The following UMAD1 variants were observed in gnomAD, a reference collection of about 807,000 sequenced individuals.
UMAD1 encodes the protein UBAP1-MVB12-associated (UMA)-domain containing protein 1.
In UMAD1, 8 loss-of-function variants were observed where a neutral mutation model predicts 6.1. The ratio of observed to expected loss-of-function variants is 1.30; its 90% confidence interval spans 0.76 to 2.35. The LOEUF is 2.35. Ranked by LOEUF, UMAD1 falls within the 30% of genes most tolerant of loss-of-function variation. The pLI is 0.00. For missense variants in UMAD1, 130 were observed against 78.4 expected (o/e 1.66, Z -2.49); for synonymous variants, 56 against 31.4 (o/e 1.78, Z -2.61).
intron 3 of UMAD1, among the ~76,000 whole-genome samples, chr7:7,867,007 T>C (rs1784243815): frequency 6.6e-6 from 1 of 152,140 alleles, no homozygotes; most frequent in South Asian, 2.1e-4. Context: ...AGTGATTTAT[T>C]GCATGGAGGA....
At chr7:7,843,012 A>G (rs1489146682) in intron 3 of UMAD1, among the ~76,000 whole-genome samples, 2 of 152,212 alleles carry the variant, frequency 1.3e-5, no homozygotes, top group African/African-American at 4.8e-5. Flanking sequence ...CTTAAATAAT[A>G]TGGTTCTTTT....
chr7:7,867,910 C>G (rs1019330939), intron 3 of UMAD1, among the ~76,000 whole-genome samples: 3 of 151,902 alleles, frequency 2.0e-5, no homozygotes, highest in African/African-American at 7.3e-5. Flanking sequence ...CCTGGAAGCT[C>G]TGGGGAAGGG....
rs537222676 is a variant in UMAD1, at chr7:7,752,939, C to T, written c.83-48731C>T. 2.6e-5 allele frequency among the ~76,000 whole-genome samples: 4 copies of T among 152,172 alleles called. No individual in the cohort carries two copies. The South Asian group carries it at 8.3e-4, about 32-fold the overall frequency. Reference sequence around the variant, plus strand: ...TGCATAAGATTCAGTTACCCTACAACCTGGATCCACCCTGGTCTGTAGTTA... The same window carrying T: ...TGCATAAGATTCAGTTACCCTACAATCTGGATCCACCCTGGTCTGTAGTTA... On this transcript the variant is annotated intron_variant, in intron 2 of 3. Transcript: ENST00000682710.
intron 3 of UMAD1, among the ~76,000 whole-genome samples, chr7:7,819,103 G>A (rs1480126653): frequency 8.5e-5 from 13 of 152,108 alleles, no homozygotes; most frequent in Admixed American, 8.5e-4. Context: ...ACCCACCTCA[G>A]CCTCCCAAAG....
At chr7:7,683,724 G>C (rs956337585) in intron 2 of UMAD1, among the ~76,000 whole-genome samples, 1 of 152,016 alleles carries the variant, frequency 6.6e-6, no homozygotes, top group African/African-American at 2.4e-5. Flanking sequence ...CTGGGTTCAA[G>C]TGATTCTCCT....
At chr7:7,680,339 A>G (rs1162553814) in intron 2 of UMAD1, among the ~76,000 whole-genome samples, 2 of 152,118 alleles carry the variant, frequency 1.3e-5, no homozygotes, top group Non-Finnish European at 2.9e-5. Flanking sequence ...GTTGAAAATG[A>G]GTTCATTGTA....
chr7:7,813,812 C>A (rs1783071814), intron 3 of UMAD1, among the ~76,000 whole-genome samples: 1 of 152,166 alleles, frequency 6.6e-6, no homozygotes, highest in South Asian at 2.1e-4. Flanking sequence ...CTTAGTCCTG[C>A]ACAGATTGCC....
chr7:7,844,511 T>C (rs1783747490), intron 3 of UMAD1, among the ~76,000 whole-genome samples: 2 of 152,182 alleles, frequency 1.3e-5, no homozygotes, highest in Non-Finnish European at 2.9e-5. Context: ...GCGTTGGTAG[T>C]ATCTTCCCCA....
At chr7:7,865,472 A>T (rs1254825571) in intron 3 of UMAD1, among the ~76,000 whole-genome samples, 1 of 152,214 alleles carries the variant, frequency 6.6e-6, no homozygotes, top group Non-Finnish European at 1.5e-5. Flanking sequence ...GGGGAGGAAT[A>T]AGGGGTGGAG....
chr7:7,836,043 T>C (rs1783562250), intron 3 of UMAD1, among the ~76,000 whole-genome samples: 1 of 152,080 alleles, frequency 6.6e-6, no homozygotes, highest in Admixed American at 6.5e-5. Flanking sequence ...GTCTTGCTAT[T>C]TTATGGTCTT....
rs1332832417 is a variant in UMAD1, at chr7:7,768,648, C to T, written c.83-33022C>T. Among the ~76,000 whole-genome samples the T allele has an allele frequency of 2.0e-5, 3 of 152,118 alleles. No individual in the cohort carries two copies. In the East Asian group the frequency reaches 5.8e-4, roughly 29 times the overall value. ...GCTCATGTGTTTATCAATTAAACTC[C>T]TTGAAGACAAGTGTTATTTTTTTTC... On this transcript the variant is annotated intron_variant, in intron 2 of 3. Transcript: ENST00000682710.
chr7:7,768,508 A>G (rs549838020), intron 2 of UMAD1, among the ~76,000 whole-genome samples: 2 of 152,048 alleles, frequency 1.3e-5, no homozygotes, highest in African/African-American at 4.8e-5. Context: ...TCTTCTGCCT[A>G]TGCATTTCTG....
intron 2 of UMAD1, among the ~76,000 whole-genome samples, chr7:7,744,129 A>G (rs964075128): frequency 2.6e-5 from 4 of 152,122 alleles, no homozygotes; most frequent in Admixed American, 6.6e-5. Context: ...TCTACTTTCT[A>G]TCTCTATAGA....
intron 2 of UMAD1, among the ~76,000 whole-genome samples, chr7:7,767,226 G>A (rs34177223): frequency 0.091 from 13,657 of 149,588 alleles, 685 homozygotes; most frequent in Middle Eastern, 0.14. Context: ...CCGGGTTCAC[G>A]CCATTCTCCT....
At chr7:7,832,085 A>G (rs1280897318) in intron 3 of UMAD1, among the ~76,000 whole-genome samples, 1 of 152,198 alleles carries the variant, frequency 6.6e-6, no homozygotes, top group African/African-American at 2.4e-5. Context: ...TCTGTGTAAT[A>G]AGCAATTTGT....
chr7:7,723,046 A>AG (rs71014705), intron 2 of UMAD1, among the ~76,000 whole-genome samples: 152,311 of 152,312 alleles, frequency 1, 76,155 homozygotes, highest in Middle Eastern at 1. Context: ...GCCTCCCCTG[A>AG]GCAGTTGCCA....
intron 2 of UMAD1, among the ~76,000 whole-genome samples, chr7:7,782,230 C>G (rs914697495): frequency 7.0e-5 from 10 of 143,376 alleles, no homozygotes; most frequent in Admixed American, 5.0e-4. Flanking sequence ...GGAAAATAAA[C>G]TTTAGGATAA....
At chr7:7,747,107 T>C (rs1429581570) in intron 2 of UMAD1, among the ~76,000 whole-genome samples, 1 of 152,068 alleles carries the variant, frequency 6.6e-6, no homozygotes, top group Non-Finnish European at 1.5e-5. Context: ...TTCGAGTGCA[T>C]GGTGAGAAAT....
At chr7:7,820,000 A>G (rs539824095) in intron 3 of UMAD1, among the ~76,000 whole-genome samples, 1 of 152,322 alleles carries the variant, frequency 6.6e-6, no homozygotes, top group South Asian at 2.1e-4. Flanking sequence ...ATCAAGCAAA[A>G]CAATTGACCA....
Sources: allele counts gnomAD v4.1 joint callset (sites outside exome capture counted in the v4.1 genomes callset), GRCh38; gene constraint gnomAD v4.1.1; transcripts MANE v1.5; gene names NCBI Gene and HGNC (gene_info 2026-07-23, HGNC 2026-07-21).